The following DCLK3 variants were observed in gnomAD, a reference collection of about 807,000 sequenced individuals.
The protein encoded by DCLK3 is serine/threonine-protein kinase DCLK3.
A neutral mutation model predicts 46.4 loss-of-function variants in DCLK3; 30 were observed. That is an observed-to-expected ratio of 0.65 (90% confidence interval 0.48 to 0.88). DCLK3 has a LOEUF of 0.88. Ranked by LOEUF, DCLK3 falls within the 40% of genes least tolerant of loss-of-function variation. The pLI, the probability that DCLK3 is intolerant of heterozygous loss-of-function variation, is 0.00. For missense variants in DCLK3, 846 were observed against 907.1 expected (o/e 0.93, Z 0.87); for synonymous variants, 401 against 339.2 (o/e 1.18, Z -2.00).
intron 3 of DCLK3, among the ~76,000 whole-genome samples, chr3:36,720,956 CAAAT>C (rs1701047168): frequency 6.6e-6 from 1 of 152,180 alleles, no homozygotes; most frequent in Admixed American, 6.5e-5. Context: ...CCACAGTAGT[CAAAT>C]AGTCATTCAT....
chr3:36,719,959 T>A (rs1032705227), intron 3 of DCLK3, among the ~76,000 whole-genome samples: 5 of 152,184 alleles, frequency 3.3e-5, no homozygotes, highest in Non-Finnish European at 5.9e-5. Context: ...TAACCAGTCT[T>A]CCCATTTGTG....
At chr3:36,740,326 A>G (rs1041738886) in intron 1 of DCLK3, among the ~76,000 whole-genome samples, 2 of 152,150 alleles carry the variant, frequency 1.3e-5, no homozygotes, top group African/African-American at 2.4e-5. Flanking sequence ...TATTAGTAGT[A>G]TAATCTATCA....
rs571963311 is a variant in DCLK3, at chr3:36,764,038, A to C, written c.82+144T>G. The C allele has an allele frequency of 4.5e-4, 95 of 212,174 alleles. No individual in the cohort carries two copies. The highest frequency in any genetic ancestry group is 1.9e-3 in the African/African-American group (80 of 42,786). 13.1% of individuals were successfully genotyped at this position (212,174 alleles called of 1,614,324 possible). A position where few individuals can be genotyped will look rare whatever the true frequency, so the allele number is the denominator to read the frequency against. The stretch of plus-strand genomic sequence containing the variant: ...CACACGTACACACACATACACACAC[A>C]CAGTCCTCCGTACACCCACGCGGGG... On this transcript the variant is annotated intron_variant, in intron 1 of 4. Coordinates refer to ENST00000636136, the MANE Select transcript of DCLK3 (RefSeq NM_001394672.2). The surrounding 1 kb of genome is among the most constrained non-coding windows in gnomAD (Gnocchi z 4.9).
intron 2 of DCLK3, among the ~76,000 whole-genome samples, chr3:36,722,029 C>G (rs982402334): frequency 1.3e-5 from 2 of 152,182 alleles, no homozygotes; most frequent in Non-Finnish European, 2.9e-5. Context: ...CAGATAGACA[C>G]ACTTCCATTG....
chr3:36,745,660 A>AGAGT (rs142337395), intron 1 of DCLK3, among the ~76,000 whole-genome samples: 1 of 152,330 alleles, frequency 6.6e-6, no homozygotes, highest in East Asian at 1.9e-4. Context: ...CAGTGCTGAG[A>AGAGT]GAGTATTCAT....
chr3:36,738,964 G>A lies in DCLK3; in HGVS notation c.203C>T (p.Pro68Leu), dbSNP rs776999574. 5.5e-5 allele frequency: 22 copies of A among 399,996 alleles called. No homozygotes were observed. Among genetic ancestry groups the A allele is most frequent in the African/African-American group, 3.1e-4 (15 of 48,654 alleles). The allele number at this position is 399,996 out of a possible 1,614,324, so 24.8% of individuals were successfully genotyped here. A position where few individuals can be genotyped will look rare whatever the true frequency, so the allele number is the denominator to read the frequency against. The part of the protein sequence containing the change: ...RGNLEKPFLG[P>L]RGPVVPLFCP... Reference sequence around the variant, plus strand: ...GAACAAGGGCACGACGGGGCCACGCGGCCCCAGGAATGGTTTCTCCAGATT... The same window carrying A: ...GAACAAGGGCACGACGGGGCCACGCAGCCCCAGGAATGGTTTCTCCAGATT... Residue 68 changes from proline (P) to leucine (L), a missense_variant, in exon 2 of 5, where the codon CCG (proline) becomes CTG (leucine). Around this residue, in one of 3 missense-constraint regions of DCLK3, gnomAD observed 553 missense variants for 543.0 expected, o/e 1.02. Transcript: ENST00000636136.
intron 1 of DCLK3, among the ~76,000 whole-genome samples, chr3:36,743,989 C>T (rs1701373109): frequency 1.3e-5 from 2 of 152,212 alleles, no homozygotes; most frequent in South Asian, 2.1e-4. Flanking sequence ...AAATTTAGCA[C>T]AAATGCCTGA....
chr3:36,728,624 T>C lies in DCLK3; in HGVS notation c.1960-6965A>G, dbSNP rs187336473. Among the ~76,000 whole-genome samples, 8 of 152,262 alleles carry C rather than the reference T, an allele frequency of 5.3e-5. No homozygotes were observed. The East Asian group carries it at 1.4e-3, about 26-fold the overall frequency. On this transcript the variant is annotated intron_variant, in intron 2 of 4. Transcript: ENST00000636136. ...CTCCAAGACTTATACCAGTAACCCC[T>C]GGGTTCTCAGGCCTTCAGACTTGGG... is the stretch of plus-strand genomic sequence containing the variant.
chr3:36,734,170 C>G (rs1329206062), intron 2 of DCLK3, among the ~76,000 whole-genome samples: 1 of 152,184 alleles, frequency 6.6e-6, no homozygotes, highest in East Asian at 1.9e-4. Context: ...AACAAATTTG[C>G]AATGTAATTA....
At chr3:36,735,153 T>C (rs1223254446) in intron 2 of DCLK3, among the ~76,000 whole-genome samples, 1 of 152,208 alleles carries the variant, frequency 6.6e-6, no homozygotes, top group Non-Finnish European at 1.5e-5. Flanking sequence ...AAGGGATCTC[T>C]CCTGCTTAGA....
chr3:36,747,358 A>G (rs543086348), intron 1 of DCLK3, among the ~76,000 whole-genome samples: 34 of 152,240 alleles, frequency 2.2e-4, no homozygotes, highest in African/African-American at 7.7e-4. Context: ...AGACTTATAT[A>G]CCATTTTAAC....
chr3:36,731,451 GCACACACACA>G (rs55823722), intron 2 of DCLK3, among the ~76,000 whole-genome samples: 1 of 148,672 alleles, frequency 6.7e-6, no homozygotes, highest in Admixed American at 6.7e-5. Flanking sequence ...CTTCGTGCGT[GCACACACACA>G]CACACACACA....
rs990878067 is a variant in DCLK3 at position 36,764,531 on chromosome 3, G to T, written c.-268C>A. 1.3e-5 allele frequency among the ~76,000 whole-genome samples: 2 copies of T among 152,160 alleles called. No homozygotes were observed. Among genetic ancestry groups the T allele is most frequent in the East Asian group, 3.9e-4 (2 of 5,146 alleles). ...CAGCCGCCCTCTCTGCGCCGGTCCC[G>T]CCATGCGCGCCGCTCCTGGCCCTGG... On this transcript the variant is annotated 5_prime_UTR_variant, in exon 1 of 5. Transcript: ENST00000636136. The surrounding 1 kb of genome is among the most constrained non-coding windows in gnomAD (Gnocchi z 4.9).
intron 1 of DCLK3, among the ~76,000 whole-genome samples, chr3:36,763,421 C>T (rs1358098325): frequency 1.3e-5 from 2 of 152,232 alleles, no homozygotes; most frequent in African/African-American, 4.8e-5. Flanking sequence ...CACCTCGCCC[C>T]CAGGGCCAGA....
chr3:36,757,130 A>G (rs1278740724), intron 1 of DCLK3, among the ~76,000 whole-genome samples: 1 of 152,210 alleles, frequency 6.6e-6, no homozygotes, highest in Non-Finnish European at 1.5e-5. Flanking sequence ...ATGTAATGCC[A>G]AAATTTTAAT....
Position 36,713,896 on chromosome 3 carries a change from G to A in DCLK3, c.*1432C>T, listed in dbSNP as rs1201390776. The A allele has an allele frequency of 6.6e-6, 1 of 152,290 alleles. No homozygotes were observed. Among genetic ancestry groups the A allele is most frequent in the Non-Finnish European group, 1.5e-5 (1 of 68,130 alleles). 9.4% of individuals were successfully genotyped at this position (152,290 alleles called of 1,614,324 possible). A position where few individuals can be genotyped will look rare whatever the true frequency, so the allele number is the denominator to read the frequency against. On this transcript the variant is annotated 3_prime_UTR_variant, in exon 5 of 5. Transcript: ENST00000636136. Reference sequence around the variant, plus strand: ...TCATTTGATATAGCCTGCTTCAGGAGGGAGCTGAAAGGTGTCTCTTCCAGT... The same window carrying A: ...TCATTTGATATAGCCTGCTTCAGGAAGGAGCTGAAAGGTGTCTCTTCCAGT...
At chr3:36,747,438 GTA>G (rs375074096) in intron 1 of DCLK3, among the ~76,000 whole-genome samples, 3 of 151,028 alleles carry the variant, frequency 2.0e-5, no homozygotes, top group East Asian at 1.9e-4. Flanking sequence ...GGGAAAAAAG[GTA>G]TATATATATA....
chr3:36,749,245 T>G (rs925071832), intron 1 of DCLK3, among the ~76,000 whole-genome samples: 3 of 152,256 alleles, frequency 2.0e-5, no homozygotes, highest in African/African-American at 7.2e-5. Context: ...GCTCTTCGGA[T>G]GTGCTCATTT....
intron 2 of DCLK3, among the ~76,000 whole-genome samples, chr3:36,730,209 C>CAT (rs1701183146): frequency 1.3e-5 from 2 of 151,548 alleles, no homozygotes; most frequent in East Asian, 3.9e-4. Flanking sequence ...CACACACACA[C>CAT]ACACACACAC....
Sources: gnomAD v4.1 joint callset for allele counts (sites outside exome capture counted in the v4.1 genomes callset) on GRCh38, gnomAD v4.1.1 for gene constraint, gnomAD v4.1.1 regional missense constraint, Gnocchi (gnomAD v3.1) non-coding constraint, MANE v1.5 for transcripts, NCBI Gene and HGNC (gene_info 2026-07-23, HGNC 2026-07-21) for gene names.